ANKRD30A: variants seen among roughly 807,000 people sequenced by gnomAD.
ANKRD30A encodes the protein ankyrin repeat domain-containing protein 30A.
In ANKRD30A, 170 loss-of-function variants were observed where a neutral mutation model predicts 166.3. The ratio of observed to expected loss-of-function variants is 1.02; its 90% CI spans 0.90 to 1.16. ANKRD30A has a LOEUF of 1.16. Among genes scored for constraint, ANKRD30A ranks in the 50% most tolerant of loss-of-function variants. ANKRD30A has a pLI of 0.00. For missense variants in ANKRD30A, 1,630 were observed against 1,518.0 expected, an observed-to-expected ratio of 1.07 and a Z score of -1.23; for synonymous variants, 564 against 508.9, an observed-to-expected ratio of 1.11 and a Z score of -1.46.
chr10:37,197,360 G>C (rs1179975807), intron 28 of ANKRD30A, 48 bp from the exon 29 acceptor site: 16 of 1,612,552 alleles, frequency 9.9e-6, no homozygotes, highest in Non-Finnish European at 1.3e-5. Context: ...TATGTATTTT[G>C]TGAAGTATAC....
In ANKRD30A at chr10:37,162,634, T is replaced by A; in HGVS notation, c.1901-15T>A. 6.2e-7 allele frequency: 1 copy of A among 1,611,974 alleles called. No individual in the cohort carries two copies. The highest frequency in any genetic ancestry group is 8.5e-7 in the Non-Finnish European group (1 of 1,179,702). ...ATTTACATATGATTGATGATAAATC[T>A]CTTTTGCTTTTTAGAGCCTCCGGGG... On this transcript the variant is annotated splice_polypyrimidine_tract_variant and intron_variant, in intron 15 of 35. Transcript: ENST00000361713.
chr10:37,147,435 G>A lies in ANKRD30A; in HGVS notation c.1521G>A (p.Met507Ile), dbSNP rs564319804. 4 of 1,588,388 alleles carry A rather than the reference G, an allele frequency of 2.5e-6. No individual in the cohort carries two copies. The African/African-American group carries it at 4.1e-5, about 16-fold the overall frequency. ...CTGAGTCTATATATCAAAAAGTAATGGAGATAAATAGAGAAGTAGAAGGTA... is the reference window on the plus strand; with the variant it reads ...CTGAGTCTATATATCAAAAAGTAATAGAGATAAATAGAGAAGTAGAAGGTA... ...CIPESIYQKV[M>I]EINREVEEPP... The change falls in exon 9 of 36, where the codon ATG becomes ATA. Residue 507 changes from methionine to isoleucine, a missense_variant. Met to Ile is a conservative substitution (Grantham distance 10). Around this residue, in one of 4 missense-constraint regions of ANKRD30A, gnomAD observed 904 missense variants for 818.5 expected, o/e 1.10. Coordinates refer to ENST00000361713, the MANE Select transcript of ANKRD30A (RefSeq NM_052997.3).
chr10:37,148,047 T>C (rs1837636207), intron 9 of ANKRD30A, among the ~76,000 whole-genome samples: 1 of 136,426 alleles, frequency 7.3e-6, no homozygotes, highest in African/African-American at 2.7e-5. Context: ...ATAAAATTTA[T>C]CATATACACT....
chr10:37,217,868 A>C lies in ANKRD30A; in HGVS notation c.3257A>C (p.Asn1086Thr). The C allele has an allele frequency of 6.5e-7, 1 of 1,544,816 alleles. No homozygotes were observed. The highest frequency in any genetic ancestry group is 8.7e-7 in the Non-Finnish European group (1 of 1,152,846). Residue 1086 changes from asparagine to threonine, a missense_variant, in exon 33 of 36, where the codon AAT becomes ACT. Asn to Thr is a moderately conservative substitution (Grantham distance 65). Transcript: ENST00000361713. ...ATAGAATTGAAGAGTGTAGAAAGTA[A>C]TTTGAATCAGGTAAATCAATCTCTG... ...QDIELKSVES[N>T]LNQVSHTHEN...
intron 31 of ANKRD30A, among the ~76,000 whole-genome samples, chr10:37,203,789 G>A (rs1841808052): frequency 6.6e-6 from 1 of 152,194 alleles, no homozygotes; most frequent in Non-Finnish European, 1.5e-5. Flanking sequence ...CATCAGCAAA[G>A]TCTCAGGATA....
intron 3 of ANKRD30A, 113 bp downstream of exon 3, chr10:37,130,491 T>C (rs550444023): frequency 1.2e-6 from 1 of 811,220 alleles, no homozygotes; most frequent in Admixed American, 4.1e-5. Context: ...ATGAAAATAG[T>C]TTGAAAGAAC....
downstream of ANKRD30A, among the ~76,000 whole-genome samples, chr10:37,235,269 G>C (rs555011677): frequency 6.6e-6 from 1 of 152,084 alleles, no homozygotes; most frequent in Admixed American, 6.5e-5. Flanking sequence ...TTAAATATAT[G>C]TGTGGATCTA....
At chr10:37,241,423 T>TG in the ANKRD30A span, 1 of 151,862 alleles carries the variant, frequency 6.6e-6, no homozygotes, top group African/African-American at 2.4e-5. Flanking sequence ...ATATCATATA[T>TG]GTCTGATGAA....
intron 29 of ANKRD30A, among the ~76,000 whole-genome samples, chr10:37,197,738 T>A (rs1430927868): frequency 1.3e-5 from 2 of 152,172 alleles, no homozygotes; most frequent in African/African-American, 4.8e-5. Context: ...TATTTTGAAC[T>A]TCTGTATTTC....
intron 31 of ANKRD30A, among the ~76,000 whole-genome samples, chr10:37,202,851 T>G (rs2132698227): frequency 6.6e-6 from 1 of 152,220 alleles, no homozygotes; most frequent in East Asian, 1.9e-4. Flanking sequence ...CAGAGAATAC[T>G]ATAAACACCT....
chr10:37,207,918 G>A (rs1842078876), intron 31 of ANKRD30A, among the ~76,000 whole-genome samples: 1 of 152,020 alleles, frequency 6.6e-6, no homozygotes, highest in South Asian at 2.1e-4. Flanking sequence ...CATAAAGTTT[G>A]CTGAGTCAAT....
intron 13 of ANKRD30A, among the ~76,000 whole-genome samples, chr10:37,157,201 G>A (rs753145532): frequency 6.6e-6 from 1 of 152,142 alleles, no homozygotes. Context: ...CATAACAATA[G>A]TTTAACACCT....
chr10:37,167,391 C>T (rs1410865085), intron 19 of ANKRD30A, among the ~76,000 whole-genome samples: 1 of 150,326 alleles, frequency 6.7e-6, no homozygotes, highest in East Asian at 1.9e-4. Context: ...TTTAAGGAAG[C>T]AAATTGTGTT....
In ANKRD30A at chr10:37,193,064, A is replaced by C. The variant is rs184702413; in HGVS notation, c.2513A>C (p.Glu838Ala). ...EIDKINGKLE[E>A]SPDNDGFLKA... ...ATTATATATGTCCCTTTTCTTTTAGAGTCTCCTGATAATGATGGTTTTCTG... is the reference window on the plus strand; with the variant it reads ...ATTATATATGTCCCTTTTCTTTTAGCGTCTCCTGATAATGATGGTTTTCTG... Residue 838 changes from glutamate to alanine, a missense_variant and splice_region_variant, in exon 26 of 36, where the codon GAG (glutamate) becomes GCG (alanine). By Grantham distance (107) the Glu-to-Ala change is moderately radical. Around this residue, in one of 4 missense-constraint regions of ANKRD30A, gnomAD observed 712 missense variants for 629.3 expected, o/e 1.13. Transcript: ENST00000361713. The C allele has an allele frequency of 1.9e-6, 3 of 1,609,760 alleles. No homozygotes were observed. Among genetic ancestry groups the C allele is most frequent in the Non-Finnish European group, 1.7e-6 (2 of 1,177,336 alleles).
chr10:37,192,320 A>T (rs558884625), intron 25 of ANKRD30A, among the ~76,000 whole-genome samples: 1 of 152,116 alleles, frequency 6.6e-6, no homozygotes, highest in Admixed American at 6.6e-5. Context: ...CTGGAATTAC[A>T]GGCATGAGCC....
downstream of ANKRD30A, among the ~76,000 whole-genome samples, chr10:37,232,940 TGGA>T (rs200533667): frequency 0.013 from 1,959 of 150,932 alleles, 24 homozygotes; most frequent in Non-Finnish European, 0.02. Flanking sequence ...CAGAATTTTT[TGGA>T]CTAAAATAAA....
the ANKRD30A span, among the ~76,000 whole-genome samples, chr10:37,257,849 G>A: frequency 4.6e-5 from 7 of 152,270 alleles, no homozygotes; most frequent in East Asian, 9.7e-4. Flanking sequence ...ATCATTCTCA[G>A]CGGACTAACA....
chr10:37,137,684 C>T (rs1488990802), intron 6 of ANKRD30A, among the ~76,000 whole-genome samples: 1 of 152,156 alleles, frequency 6.6e-6, no homozygotes, highest in African/African-American at 2.4e-5. Context: ...GGGAGGGACG[C>T]TTACCATTGC....
At chr10:37,230,645 A>G (rs1344946005) in intron 34 of ANKRD30A, among the ~76,000 whole-genome samples, 1 of 152,084 alleles carries the variant, frequency 6.6e-6, no homozygotes, top group African/African-American at 2.4e-5. Flanking sequence ...TTACTACTAC[A>G]TTTCACTTTC....
Sources: gnomAD v4.1 joint callset for allele counts (sites outside exome capture counted in the v4.1 genomes callset) on GRCh38, gnomAD v4.1.1 for gene constraint, gnomAD v4.1.1 regional missense constraint, MANE v1.5 for transcripts, NCBI Gene and HGNC (gene_info 2026-07-23, HGNC 2026-07-21) for gene names.